The following TRIO variants were observed in gnomAD, a reference collection of about 807,000 sequenced individuals.
TRIO encodes the protein triple functional domain protein.
In TRIO, 58 loss-of-function variants were observed where a neutral mutation model predicts 351.9. The ratio of observed to expected loss-of-function variants is 0.16; its 90% confidence interval spans 0.13 to 0.21. The LOEUF is 0.21. TRIO is among the 10% of genes least tolerant of loss of function. The probability of loss-of-function intolerance (pLI) is 1.00; values close to 1 mark genes in which losing one functional copy is unlikely to be tolerated. For synonymous variants in TRIO, 1,758 were observed against 1,595.7 expected, an observed-to-expected ratio of 1.10 and a Z score of -2.42; for missense variants, 3,201 against 4,027.8, an observed-to-expected ratio of 0.79 and a Z score of 5.56.
intron 1 of TRIO, among the ~76,000 whole-genome samples, chr5:14,265,271 C>T (rs1795604695): frequency 6.6e-6 from 1 of 151,964 alleles, no homozygotes; most frequent in African/African-American, 2.4e-5. Context: ...TCATTTTGTT[C>T]AACAGCTCAA....
At chr5:14,486,626 G>C (rs1449882115) in intron 47 of TRIO, among the ~76,000 whole-genome samples, 1 of 152,186 alleles carries the variant, frequency 6.6e-6, no homozygotes, top group Admixed American at 6.5e-5. Context: ...ACTGCCCCCA[G>C]ATTGCACGCA....
intron 1 of TRIO, chr5:14,184,094 A>T: frequency 1.6e-6 from 1 of 615,784 alleles, no homozygotes; most frequent in Non-Finnish European, 2.9e-6. Flanking sequence ...CAGCCATGAC[A>T]GAGAATGTTG....
intron 34 of TRIO, among the ~76,000 whole-genome samples, chr5:14,459,164 G>A (rs1753588737): frequency 6.6e-6 from 1 of 152,174 alleles, no homozygotes; most frequent in South Asian, 2.1e-4. Context: ...TTGGGCGAAG[G>A]AAGGAACGGG....
At chr5:14,274,672 G>A (rs746539356) in intron 2 of TRIO, among the ~76,000 whole-genome samples, 16 of 152,236 alleles carry the variant, frequency 1.1e-4, no homozygotes, top group Admixed American at 2.0e-4. Context: ...GTTCCTGTCC[G>A]TAACCAGTTT....
At chr5:14,269,487 T>A (rs1296504263) in intron 1 of TRIO, among the ~76,000 whole-genome samples, 1 of 152,250 alleles carries the variant, frequency 6.6e-6, no homozygotes, top group Non-Finnish European at 1.5e-5. Flanking sequence ...TTGATGTAGA[T>A]CTTTAATCCT....
intron 1 of TRIO, among the ~76,000 whole-genome samples, chr5:14,241,229 G>A (rs1232839904): frequency 2.0e-5 from 3 of 152,124 alleles, no homozygotes; most frequent in African/African-American, 4.8e-5. Context: ...GACATTTTGG[G>A]GGGCCTTCCT....
At chr5:14,504,104 G>C (rs1384738911) in intron 54 of TRIO, among the ~76,000 whole-genome samples, 4 of 152,232 alleles carry the variant, frequency 2.6e-5, no homozygotes, top group Non-Finnish European at 5.9e-5. Context: ...AAGGCTCAGA[G>C]GTCTTCCTCT....
At chr5:14,207,250 C>A (rs1791512193) in intron 1 of TRIO, among the ~76,000 whole-genome samples, 4 of 140,162 alleles carry the variant, frequency 2.9e-5, no homozygotes, top group Non-Finnish European at 1.5e-5. Context: ...GGCAACATAG[C>A]AAGATGGTCT....
At chr5:14,458,604 G>C (rs1753545808) in intron 34 of TRIO, among the ~76,000 whole-genome samples, 1 of 152,224 alleles carries the variant, frequency 6.6e-6, no homozygotes, top group Non-Finnish European at 1.5e-5. Flanking sequence ...TGTCCAGTGG[G>C]AAATCGGGGG....
intron 48 of TRIO, among the ~76,000 whole-genome samples, chr5:14,489,944 A>C (rs989222351): frequency 6.6e-6 from 1 of 152,180 alleles, no homozygotes; most frequent in African/African-American, 2.4e-5. Context: ...AAATGCCCTA[A>C]AGGCCTAGGA....
chr5:14,462,878 G>A lies in TRIO; in HGVS notation c.5620G>A (p.Ala1874Thr), dbSNP rs1753933885. ...ADAVPLPPPMAIQQHSLLQPD... is the reference protein window; with the variant it reads ...ADAVPLPPPMTIQQHSLLQPD... ...CGCCGTGCCCCTGCCGCCACCCATGGCCATCCAGCAGCACAGCCTCCTCCA... is the reference window on the plus strand; with the variant it reads ...CGCCGTGCCCCTGCCGCCACCCATGACCATCCAGCAGCACAGCCTCCTCCA... Residue 1874 changes from alanine (A) to threonine (T), a missense_variant, in exon 36 of 57, where the codon GCC becomes ACC. This residue lies in a region of TRIO where 307 missense variants were observed against 396.5 expected (regional missense o/e 0.77). Coordinates refer to ENST00000344204, the MANE Select transcript of TRIO (RefSeq NM_007118.4). The A allele has an allele frequency of 1.2e-6, 2 of 1,611,498 alleles. No homozygotes were observed. The highest frequency in any genetic ancestry group is 1.7e-5 in the Admixed American group (1 of 59,702).
chr5:14,440,100 AC>A (rs1751905641), intron 34 of TRIO, among the ~76,000 whole-genome samples: 2 of 152,226 alleles, frequency 1.3e-5, no homozygotes, highest in South Asian at 2.1e-4. Context: ...GCCATAAAAA[AC>A]AGCACAAATA....
chr5:14,480,683 T>A (rs1440190598), intron 43 of TRIO, among the ~76,000 whole-genome samples: 1 of 152,176 alleles, frequency 6.6e-6, no homozygotes, highest in Non-Finnish European at 1.5e-5. Flanking sequence ...GAGCTTGTCT[T>A]GGATTAAACA....
intron 13 of TRIO, among the ~76,000 whole-genome samples, chr5:14,362,621 T>C (rs568910876): frequency 3.2e-4 from 49 of 152,368 alleles, no homozygotes; most frequent in African/African-American, 1.1e-3. Flanking sequence ...CCCTGGCGTT[T>C]CCTCTAAACT....
chr5:14,223,267 C>T (rs2152211367), intron 1 of TRIO, among the ~76,000 whole-genome samples: 1 of 59,736 alleles, frequency 1.7e-5, no homozygotes, highest in South Asian at 6.0e-4. Context: ...GACAGAGATA[C>T]TGAATGGGTC....
intron 1 of TRIO, among the ~76,000 whole-genome samples, chr5:14,238,682 G>A (rs1793936126): frequency 6.6e-6 from 1 of 152,160 alleles, no homozygotes; most frequent in Admixed American, 6.5e-5. Flanking sequence ...TTCATAAAGT[G>A]CTACTTTAAG....
chr5:14,336,518 G>A lies in TRIO; in HGVS notation c.1855-18G>A. On this transcript the variant is annotated intron_variant, in intron 10 of 56. Transcript: ENST00000344204. ...TTTTCACTTACCTTCTGTTTCTCTG[G>A]GATGTTCTCTTGTGCAGAACACATA... 6.2e-7 allele frequency: 1 copy of A among 1,609,730 alleles called. No individual in the cohort carries two copies. Among genetic ancestry groups the A allele is most frequent in the Non-Finnish European group, 8.5e-7 (1 of 1,176,386 alleles).
intron 34 of TRIO, among the ~76,000 whole-genome samples, chr5:14,421,056 T>C (rs891322427): frequency 2.0e-5 from 3 of 152,106 alleles, no homozygotes; most frequent in Admixed American, 2.0e-4. Context: ...CTCTCCGATA[T>C]TCTTGTACCT....
intron 1 of TRIO, among the ~76,000 whole-genome samples, chr5:14,180,931 A>C (rs1789729619): frequency 6.6e-6 from 1 of 152,134 alleles, no homozygotes; most frequent in Non-Finnish European, 1.5e-5. Flanking sequence ...TTTTCTGTAT[A>C]TACTAAAATA....
Sources: gnomAD v4.1 joint callset for allele counts (sites outside exome capture counted in the v4.1 genomes callset) on GRCh38, gnomAD v4.1.1 for gene constraint, gnomAD v4.1.1 regional missense constraint, MANE v1.5 for transcripts, NCBI Gene and HGNC (gene_info 2026-07-23, HGNC 2026-07-21) for gene names.